The following F8 variants were observed in gnomAD, a reference collection of about 807,000 sequenced individuals.
The protein encoded by F8 is coagulation factor VIII, also known as antihemophilic factor.
F8 carries 12 observed loss-of-function variants against 140.6 expected under a neutral mutation model. That is an observed-to-expected ratio of 0.09 (90% CI 0.05 to 0.14). The LOEUF is 0.14. Ranked by LOEUF, F8 falls within the 10% of genes least tolerant of loss-of-function variation. The pLI is 1.00. For missense variants in F8, 1,354 were observed against 1,720.7 expected (o/e 0.79, Z 3.77); for synonymous variants, 585 against 614.6 (o/e 0.95, Z 0.71).
At chrX:154,919,406 T>C (rs1176879090) in intron 14 of F8, among the ~76,000 whole-genome samples, 2 of 111,981 alleles carry the variant, frequency 1.8e-5, no homozygotes, top group African/African-American at 6.5e-5. Context: ...TCTTTCACCT[T>C]CATTCTTCAA....
chrX:155,003,259 C>G (rs1557285792), intron 1 of F8, among the ~76,000 whole-genome samples: 1 of 110,365 alleles, frequency 9.1e-6, no homozygotes, highest in African/African-American at 3.3e-5. Flanking sequence ...AATTCTAAGA[C>G]AGAATAAAAA....
chrX:154,900,014 A>G, intron 20 of F8, 63 bp from the exon 21 acceptor site: 2 of 1,000,758 alleles, frequency 2.0e-6, no homozygotes, highest in Admixed American at 4.7e-5. Flanking sequence ...ACTTGAGAAT[A>G]AAATTATTGT....
At chrX:154,975,526 T>C (rs782551862) in intron 6 of F8, among the ~76,000 whole-genome samples, 45 of 112,569 alleles carry the variant, frequency 4.0e-4, no homozygotes, top group Middle Eastern at 4.6e-3. Flanking sequence ...GAGAAGAATG[T>C]GAACTGTGTA....
At chrX:154,995,876 C>A (rs1266672110) in intron 3 of F8, among the ~76,000 whole-genome samples, 1 of 111,172 alleles carries the variant, frequency 9.0e-6, no homozygotes, top group Non-Finnish European at 1.9e-5. Flanking sequence ...TTTCAAGTGC[C>A]TGATAGCTCA....
intron 6 of F8, among the ~76,000 whole-genome samples, chrX:154,982,244 G>C (rs781928527): frequency 1.9e-3 from 205 of 105,312 alleles, no homozygotes; most frequent in Middle Eastern, 5.2e-3. Flanking sequence ...TCAGGAGATC[G>C]AGACCATCCT....
Position 155,011,376 on chromosome X carries a change from A to T in F8, c.143+11034T>A, listed in dbSNP as rs782789961. Reference sequence around the variant, plus strand: ...GAGATATCACTTTATCCACACTAGGATGAGTATAATTAAAAAGACAGACAG... The same window carrying T: ...GAGATATCACTTTATCCACACTAGGTTGAGTATAATTAAAAAGACAGACAG... On this transcript the variant is annotated intron_variant, in intron 1 of 25. Coordinates refer to ENST00000360256, the MANE Select transcript of F8 (RefSeq NM_000132.4). Among the ~76,000 whole-genome samples, 8 of 112,677 alleles carry T rather than the reference A, an allele frequency of 7.1e-5. No individual in the cohort carries two copies. The East Asian group carries it at 2.2e-3, about 31-fold the overall frequency.
intron 22 of F8, among the ~76,000 whole-genome samples, chrX:154,893,100 T>G (rs1449408157): frequency 1.8e-5 from 2 of 112,259 alleles, no homozygotes; most frequent in African/African-American, 6.5e-5. Flanking sequence ...ACTTAACTCT[T>G]TCAACCAATT....
intron 4 of F8, among the ~76,000 whole-genome samples, chrX:154,987,667 A>G (rs1291310918): frequency 2.7e-5 from 3 of 112,807 alleles, no homozygotes; most frequent in African/African-American, 9.6e-5. Flanking sequence ...TACTTCTGCA[A>G]TTGTAAATTA....
In F8 at chrX:154,860,515, T is replaced by C. The variant is rs2072682436; in HGVS notation, c.6817A>G (p.Ser2273Gly). The change falls in exon 25 of 26, where the codon AGC (serine) becomes GGC (glycine). Residue 2273 changes from serine (S) to glycine (G), a missense_variant. By Grantham distance (56) the Ser-to-Gly change is moderately conservative. Transcript: ENST00000360256. Reference protein sequence around the residue: ...TTQGVKSLLTSMYVKEFLISS... With the variant: ...TTQGVKSLLTGMYVKEFLISS... ...ATGAGGAACTCCTTCACATACATGC[T>C]GGTAAGCAGAGATTTTACTCCCTGA... The C allele has an allele frequency of 8.3e-7, 1 of 1,211,296 alleles. No individual in the cohort carries two copies. The highest frequency in any genetic ancestry group is 1.1e-6 in the Non-Finnish European group (1 of 894,996).
At chrX:154,993,831 T>C (rs189731095) in intron 3 of F8, among the ~76,000 whole-genome samples, 67 of 112,687 alleles carry the variant, frequency 5.9e-4, no homozygotes, top group African/African-American at 2.1e-3. Flanking sequence ...AGAAAATTTC[T>C]TAAACTTTGT....
At chrX:154,843,913 TA>T (rs1338716198) in intron 25 of F8, among the ~76,000 whole-genome samples, 1 of 111,772 alleles carries the variant, frequency 8.9e-6, no homozygotes, top group Non-Finnish European at 1.9e-5. Flanking sequence ...CTAGGGTTTT[TA>T]TGGTTTTAGG....
chrX:154,928,490 T>G (rs1257760328), intron 14 of F8, 81 bp downstream of exon 14: 2 of 873,126 alleles, frequency 2.3e-6, no homozygotes, highest in Non-Finnish European at 1.7e-6. Flanking sequence ...TTTCATCCTC[T>G]AACTCTCATT....
At position 154,851,002 on chromosome X, in the gene F8, A is replaced by G. The variant is rs141563699; in HGVS notation, c.6900+9430T>C. Among the ~76,000 whole-genome samples the G allele has an allele frequency of 5.2e-4, 59 of 112,408 alleles. No individual in the cohort carries two copies. The East Asian group carries it at 0.013, about 25-fold the overall frequency. ...ATAGCCATCACCACTATCTAGTTCC[A>G]GAACATTTCTATAACCCCAAAAGGA... is the stretch of plus-strand genomic sequence containing the variant. On this transcript the variant is annotated intron_variant, in intron 25 of 25. Coordinates refer to ENST00000360256, the MANE Select transcript of F8 (RefSeq NM_000132.4).
At chrX:154,936,150 C>T (rs1038293355) in intron 13 of F8, among the ~76,000 whole-genome samples, 5 of 110,669 alleles carry the variant, frequency 4.5e-5, no homozygotes, top group Admixed American at 9.7e-5. Context: ...AACAATGGAG[C>T]GGCATTTTTA....
rs1603437360 is a variant in F8, at chrX:155,012,332, C to T, written c.143+10078G>A. Among the ~76,000 whole-genome samples the T allele has an allele frequency of 3.6e-5, 4 of 111,847 alleles. No homozygotes were observed. In the Admixed American group the frequency reaches 3.8e-4, roughly 11 times the overall value. On this transcript the variant is annotated intron_variant, in intron 1 of 25. Coordinates refer to ENST00000360256, the MANE Select transcript of F8 (RefSeq NM_000132.4). Reference sequence around the variant, plus strand: ...TGGAATTTCTTTTCTTTTTTTGAGACAGAGCCTTGCTTTGTTGCTCAGGCT... The same window carrying T: ...TGGAATTTCTTTTCTTTTTTTGAGATAGAGCCTTGCTTTGTTGCTCAGGCT...
chrX:154,913,567 A>T (rs1331180918), intron 14 of F8, among the ~76,000 whole-genome samples: 2 of 112,951 alleles, frequency 1.8e-5, no homozygotes, highest in Non-Finnish European at 3.8e-5. Flanking sequence ...ATAGGGGTAC[A>T]GGCATTGGGT....
rs781953758 is a variant in F8 at position 154,843,210 on chromosome X, T to C, written c.6901-5458A>G. ...AGTCTATCATTGATGGACATTTGGG[T>C]TGGTTCCAAGTCTTTGCTATTGTGA... On this transcript the variant is annotated intron_variant, in intron 25 of 25. Transcript: ENST00000360256. Among the ~76,000 whole-genome samples the C allele has an allele frequency of 2.0e-3, 229 of 112,012 alleles. 1 individual carries two copies. Among genetic ancestry groups the C allele is most frequent in the African/African-American group, 7.1e-3 (218 of 30,871 alleles).
chrX:155,012,887 T>C lies in F8; in HGVS notation c.143+9523A>G, dbSNP rs1010312862. Among the ~76,000 whole-genome samples the C allele has an allele frequency of 2.4e-4, 26 of 109,821 alleles. 2 individuals are homozygous for C. Among genetic ancestry groups the C allele is most frequent in the East Asian group, 2.9e-4 (1 of 3,482 alleles). On this transcript the variant is annotated intron_variant, in intron 1 of 25. Transcript: ENST00000360256. ...GTCAGCCGGGCGCGGTGGCTCACGCTTGTAATCCCAGCACTTTGGGAGGCC... is the reference window on the plus strand; with the variant it reads ...GTCAGCCGGGCGCGGTGGCTCACGCCTGTAATCCCAGCACTTTGGGAGGCC...
At position 154,899,307 on chromosome X, in the gene F8, A is replaced by C. The variant is rs782403595; in HGVS notation, c.6273+559T>G. ...GTGGAGAGGCTGAGCAGGCACTTCC[A>C]AGCTGCCCTCAGCTTTTGTGAGGCA... On this transcript the variant is annotated intron_variant, in intron 21 of 25. Coordinates refer to ENST00000360256, the MANE Select transcript of F8 (RefSeq NM_000132.4). 6.2e-5 allele frequency among the ~76,000 whole-genome samples: 7 copies of C among 112,393 alleles called. No individual in the cohort carries two copies. In the South Asian group the frequency reaches 2.2e-3, roughly 35 times the overall value.
Sources: allele counts gnomAD v4.1 joint callset (sites outside exome capture counted in the v4.1 genomes callset), GRCh38; gene constraint gnomAD v4.1.1; transcripts MANE v1.5; gene names NCBI Gene and HGNC (gene_info 2026-07-23, HGNC 2026-07-21).